The following AGAP1 variants were observed in gnomAD, a reference collection of about 807,000 sequenced individuals.
The protein encoded by AGAP1 is ArfGAP with GTPase domain, ankyrin repeat and PH domain 1, also known as arf-GAP with GTPase, ANK repeat and PH domain-containing protein 1.
A neutral mutation model predicts 105.3 loss-of-function variants in AGAP1; 29 were observed. The ratio of observed to expected loss-of-function variants is 0.28; its 90% CI spans 0.21 to 0.38. AGAP1 has a LOEUF of 0.38. AGAP1 is among the 10% of genes least tolerant of loss of function. AGAP1 has a pLI of 1.00. For synonymous variants in AGAP1, 509 were observed against 485.9 expected, an observed-to-expected ratio of 1.05 and a Z score of -0.63; for missense variants, 998 against 1,165.1, an observed-to-expected ratio of 0.86 and a Z score of 2.09.
chr2:235,893,518 C>CT lies in AGAP1; in HGVS notation c.1155+10069_1155+10070insT, dbSNP rs1179746759. ...TGTTTGTGGCGTGGGTGTGGCATGTCCACGAGGGTGCACCATGTCTGTGGT... is the reference window on the plus strand; with the variant it reads ...TGTTTGTGGCGTGGGTGTGGCATGTCTCACGAGGGTGCACCATGTCTGTGGT... On this transcript the variant is annotated intron_variant, in intron 10 of 17. Coordinates refer to ENST00000304032, the MANE Select transcript of AGAP1 (RefSeq NM_001037131.3). The surrounding 1 kb of genome is among the most constrained non-coding windows in gnomAD (Gnocchi z 4.7). Among the ~76,000 whole-genome samples, 4 of 142,176 alleles carry CT rather than the reference C, an allele frequency of 2.8e-5. No individual in the cohort carries two copies. Among genetic ancestry groups the CT allele is most frequent in the African/African-American group, 1.1e-4 (4 of 37,812 alleles). The allele number at this position is 142,176 out of a possible 152,430, so 93.3% of individuals were successfully genotyped here. A position where few individuals can be genotyped will look rare whatever the true frequency, so the allele number is the denominator to read the frequency against.
chr2:235,671,081 C>G, intron 1 of AGAP1: 5 of 1,259,356 alleles, frequency 4.0e-6, no homozygotes, highest in Non-Finnish European at 5.0e-6. Flanking sequence ...CCGGGGGTCC[C>G]GGGACGGGAA....
Position 235,593,868 on chromosome 2 carries a change from C to T in AGAP1, c.163+99019C>T, listed in dbSNP as rs919065934. Reference sequence around the variant, plus strand: ...TCTGTAGTCCCAGCTGCTTGGGAGGCTGAGGTAGGAGGATCACTTGAGCCC... The same window carrying T: ...TCTGTAGTCCCAGCTGCTTGGGAGGTTGAGGTAGGAGGATCACTTGAGCCC... On this transcript the variant is annotated intron_variant, in intron 1 of 17. Coordinates refer to ENST00000304032, the MANE Select transcript of AGAP1 (RefSeq NM_001037131.3). 4.6e-5 allele frequency among the ~76,000 whole-genome samples: 7 copies of T among 151,964 alleles called. 1 individual carries two copies. In the South Asian group the frequency reaches 6.2e-4, roughly 14 times the overall value.
intron 1 of AGAP1, among the ~76,000 whole-genome samples, chr2:235,672,696 A>G (rs375020242): frequency 6.6e-6 from 1 of 152,226 alleles, no homozygotes; most frequent in East Asian, 1.9e-4. Context: ...AGAAAACAGT[A>G]ATTAGCTGCC....
intron 1 of AGAP1, among the ~76,000 whole-genome samples, chr2:235,668,428 A>G (rs1428698489): frequency 6.6e-6 from 1 of 152,146 alleles, no homozygotes; most frequent in East Asian, 1.9e-4. Context: ...TGCAAATAGC[A>G]AATCCCAAAG....
intron 12 of AGAP1, among the ~76,000 whole-genome samples, chr2:235,946,284 CTTTTTTTTTT>C (rs34759426): frequency 1.8e-5 from 2 of 114,058 alleles, no homozygotes; most frequent in Non-Finnish European, 3.5e-5. Flanking sequence ...GCTTTTTTTC[CTTTTTTTTTT>C]TTTTTTTTTG....
rs1271087362 is a variant in AGAP1 at position 235,908,411 on chromosome 2, T to C, written c.1156-327T>C. Among the ~76,000 whole-genome samples, 2 of 152,220 alleles carry C rather than the reference T, an allele frequency of 1.3e-5. No individual in the cohort carries two copies. The highest frequency in any genetic ancestry group is 2.9e-5 in the Non-Finnish European group (2 of 68,042). On this transcript the variant is annotated intron_variant, in intron 10 of 17. Coordinates refer to ENST00000304032, the MANE Select transcript of AGAP1 (RefSeq NM_001037131.3). The surrounding 1 kb of genome is among the most constrained non-coding windows in gnomAD (Gnocchi z 4.4). ...TGGAATTTATAGGAGGAGCCTAATG[T>C]ACCCTCTGATAAGCAAGAGTTCAAA... is the stretch of plus-strand genomic sequence containing the variant.
intron 1 of AGAP1, among the ~76,000 whole-genome samples, chr2:235,699,069 T>TCCCCCC (rs5839607): frequency 7.1e-6 from 1 of 140,392 alleles, no homozygotes. Context: ...GCATCAGACA[T>TCCCCCC]CCCCCCCCCC....
At chr2:236,060,431 G>A (rs1412563899) in intron 16 of AGAP1, among the ~76,000 whole-genome samples, 2 of 152,194 alleles carry the variant, frequency 1.3e-5, no homozygotes, top group Non-Finnish European at 2.9e-5. Context: ...GCTCATGCCT[G>A]TAACCCTAGC....
Position 236,120,116 on chromosome 2 carries a change from A to G in AGAP1, c.2115-76A>G. On this transcript the variant is annotated intron_variant, in intron 16 of 17. Coordinates refer to ENST00000304032, the MANE Select transcript of AGAP1 (RefSeq NM_001037131.3). The surrounding 1 kb of genome is among the most constrained non-coding windows in gnomAD (Gnocchi z 6.0). ...TTCACTTCCCTCTCGGCTTCTCCCGACCACACTGGGCAGGGGCTGGCAGCC... is the reference window on the plus strand; with the variant it reads ...TTCACTTCCCTCTCGGCTTCTCCCGGCCACACTGGGCAGGGGCTGGCAGCC... 1 of 1,539,536 alleles carries G rather than the reference A, an allele frequency of 6.5e-7. No individual in the cohort carries two copies. Among genetic ancestry groups the G allele is most frequent in the South Asian group, 1.3e-5 (1 of 78,288 alleles).
In AGAP1 at chr2:236,080,039, A is replaced by C. The variant is rs2125831161; in HGVS notation, c.2114+30758A>C. On this transcript the variant is annotated intron_variant, in intron 16 of 17. Transcript: ENST00000304032. This position sits in a 1 kb window ranked among gnomAD's most constrained non-coding sequence, Gnocchi z 4.2. The stretch of plus-strand genomic sequence containing the variant: ...GGTCATTTCCCAGGTCCCAGTGCCC[A>C]TAGCTGTGATGTAGTCAGGGCCCCA... 6.6e-6 allele frequency among the ~76,000 whole-genome samples: 1 copy of C among 152,348 alleles called. No homozygotes were observed. The highest frequency in any genetic ancestry group is 6.5e-5 in the Admixed American group (1 of 15,300).
chr2:235,869,816 C>T lies in AGAP1; in HGVS notation c.1051-13529C>T, dbSNP rs764012852. 1.1e-3 allele frequency among the ~76,000 whole-genome samples: 172 copies of T among 152,230 alleles called. 3 individuals carry two copies. Among genetic ancestry groups the T allele is most frequent in the Non-Finnish European group, 8.7e-4 (59 of 68,046 alleles). The stretch of plus-strand genomic sequence containing the variant: ...ACGTGAAAAGGTCACTGGCAGTCAT[C>T]TATCTGAGACCTCAGTTCTTCCTCA... On this transcript the variant is annotated intron_variant, in intron 9 of 17. Transcript: ENST00000304032.
At position 236,056,363 on chromosome 2, in the gene AGAP1, G is replaced by T; in HGVS notation, c.2114+7082G>T. The stretch of plus-strand genomic sequence containing the variant: ...AGGGTTGAAAATCCTTATCATTTAC[G>T]TTCTGAAATACGGCCGTCGTGACAA... On this transcript the variant is annotated intron_variant, in intron 16 of 17. Transcript: ENST00000304032. This position sits in a 1 kb window ranked among gnomAD's most constrained non-coding sequence, Gnocchi z 4.6. Among the ~76,000 whole-genome samples the T allele has an allele frequency of 6.6e-6, 1 of 152,134 alleles. No individual in the cohort carries two copies. The highest frequency in any genetic ancestry group is 1.9e-4 in the East Asian group (1 of 5,192).
rs921059891 is a variant in AGAP1, at chr2:236,095,732, A to T, written c.2115-24460A>T. ...TGTAAAATTGTGGGAAAAAACTTTT[A>T]AAAATTTTGACATATGAAGAAGTAT... On this transcript the variant is annotated intron_variant, in intron 16 of 17. Coordinates refer to ENST00000304032, the MANE Select transcript of AGAP1 (RefSeq NM_001037131.3). This position sits in a 1 kb window ranked among gnomAD's most constrained non-coding sequence, Gnocchi z 4.1. Among the ~76,000 whole-genome samples the T allele has an allele frequency of 6.6e-5, 10 of 152,218 alleles. No homozygotes were observed. The highest frequency in any genetic ancestry group is 1.2e-4 in the African/African-American group (5 of 41,472).
chr2:236,001,511 T>G lies in AGAP1; in HGVS notation c.1645+32888T>G, dbSNP rs555441584. The stretch of plus-strand genomic sequence containing the variant: ...GGGCTGAAGTAGGCAGTGGTGACAG[T>G]GGCTTCCCCAGGCATCAGCGCCACA... On this transcript the variant is annotated intron_variant, in intron 13 of 17. Coordinates refer to ENST00000304032, the MANE Select transcript of AGAP1 (RefSeq NM_001037131.3). The surrounding 1 kb of genome is among the most constrained non-coding windows in gnomAD (Gnocchi z 4.7). Among the ~76,000 whole-genome samples the G allele has an allele frequency of 6.6e-6, 1 of 152,178 alleles. No individual in the cohort carries two copies. Among genetic ancestry groups the G allele is most frequent in the South Asian group, 2.1e-4 (1 of 4,818 alleles).
chr2:236,014,456 G>A lies in AGAP1; in HGVS notation c.1646-22105G>A, dbSNP rs1296644607. ...ACTGGCATCATAGCTCCTTCAAAGG[G>A]TGTCATCATTTCCCAAGGCAGAGGC... On this transcript the variant is annotated intron_variant, in intron 13 of 17. Transcript: ENST00000304032. This position sits in a 1 kb window ranked among gnomAD's most constrained non-coding sequence, Gnocchi z 6.3. 6.6e-6 allele frequency among the ~76,000 whole-genome samples: 1 copy of A among 152,210 alleles called. No homozygotes were observed. The highest frequency in any genetic ancestry group is 2.4e-5 in the African/African-American group (1 of 41,464).
rs1267543563 is a variant in AGAP1, at chr2:236,094,225, CAGG to C, written c.2115-25962_2115-25960del. On this transcript the variant is annotated intron_variant, in intron 16 of 17. Coordinates refer to ENST00000304032, the MANE Select transcript of AGAP1 (RefSeq NM_001037131.3). The stretch of plus-strand genomic sequence containing the variant: ...GTCCCAGCTACTCAGAAGGCCACGT[CAGG>C]AGGATTGCTCGAGCCCAGGATTTCC... Among the ~76,000 whole-genome samples, 4 of 151,482 alleles carry C rather than the reference CAGG, an allele frequency of 2.6e-5. No individual in the cohort carries two copies. In the East Asian group the frequency reaches 7.8e-4, roughly 29 times the overall value.
chr2:236,036,940 C>T lies in AGAP1; in HGVS notation c.1800+225C>T, dbSNP rs1382824656. On this transcript the variant is annotated intron_variant, in intron 14 of 17. Coordinates refer to ENST00000304032, the MANE Select transcript of AGAP1 (RefSeq NM_001037131.3). This position sits in a 1 kb window ranked among gnomAD's most constrained non-coding sequence, Gnocchi z 5.7. ...GACCGTGCTTCCCTGGCAGGAGAGCCAAGGTTAAATCTTCAGTCTGTCAGC... is the reference window on the plus strand; with the variant it reads ...GACCGTGCTTCCCTGGCAGGAGAGCTAAGGTTAAATCTTCAGTCTGTCAGC... Among the ~76,000 whole-genome samples, 2 of 152,156 alleles carry T rather than the reference C, an allele frequency of 1.3e-5. No homozygotes were observed. The highest frequency in any genetic ancestry group is 2.9e-5 in the Non-Finnish European group (2 of 68,038).
In AGAP1 at chr2:236,002,204, T is replaced by G. The variant is rs2056150709; in HGVS notation, c.1645+33581T>G. Among the ~76,000 whole-genome samples the G allele has an allele frequency of 6.6e-6, 1 of 152,226 alleles. No individual in the cohort carries two copies. Among genetic ancestry groups the G allele is most frequent in the South Asian group, 2.1e-4 (1 of 4,828 alleles). ...ATTCAGCAGACTCGTTGAGAACATG[T>G]GTGGTAGGCACGTGCTGGGCACTGA... On this transcript the variant is annotated intron_variant, in intron 13 of 17. Transcript: ENST00000304032. The surrounding 1 kb of genome is among the most constrained non-coding windows in gnomAD (Gnocchi z 4.3).
intron 1 of AGAP1, among the ~76,000 whole-genome samples, chr2:235,677,263 C>T (rs1948790939): frequency 6.6e-6 from 1 of 152,166 alleles, no homozygotes; most frequent in Non-Finnish European, 1.5e-5. Context: ...ACATCACTAA[C>T]AGCTCTAAAG....
Sources: gnomAD v4.1 joint callset for allele counts (sites outside exome capture counted in the v4.1 genomes callset) on GRCh38, gnomAD v4.1.1 for gene constraint, Gnocchi (gnomAD v3.1) non-coding constraint, MANE v1.5 for transcripts, NCBI Gene and HGNC (gene_info 2026-07-23, HGNC 2026-07-21) for gene names.